The following COL4A6 variants were observed in gnomAD, a reference collection of about 807,000 sequenced individuals.
The protein encoded by COL4A6 is collagen type IV alpha 6 chain.
Under a neutral mutation model 126.7 loss-of-function variants are expected in COL4A6, and 59 were observed. The observed-to-expected ratio is 0.47, with a 90% CI of 0.38 to 0.58. COL4A6 has a LOEUF of 0.58. Ranked by LOEUF, COL4A6 falls within the 20% of genes least tolerant of loss-of-function variation. COL4A6 has a pLI of 0.00. For synonymous variants in COL4A6, 547 were observed against 496.6 expected, an observed-to-expected ratio of 1.10 and a Z score of -1.35; for missense variants, 1,285 against 1,337.3, an observed-to-expected ratio of 0.96 and a Z score of 0.61.
At position 108,191,393 on chromosome X, in the gene COL4A6, T is replaced by G; in HGVS notation, c.1321A>C (p.Ser441Arg). Reference protein sequence around the residue: ...PGPPGPPGPPSPEFETETLHN... With the variant: ...PGPPGPPGPPRPEFETETLHN... The stretch of plus-strand genomic sequence containing the variant: ...CCAAAAAGAGAAATGAGTAACTTAC[T>G]AGGTGGGCCTGGTGGACCTGGTGGG... Residue 441 changes from serine to arginine, a missense_variant and splice_region_variant, in exon 19 of 45, where the codon AGT becomes CGT. Transcript: ENST00000334504. The G allele has an allele frequency of 8.3e-7, 1 of 1,209,113 alleles. No individual in the cohort carries two copies. Among genetic ancestry groups the G allele is most frequent in the African/African-American group, 1.7e-5 (1 of 57,627 alleles).
rs188965228 is a variant in COL4A6 at position 108,289,992 on chromosome X, C to T, written c.144+20756G>A. 4.9e-3 allele frequency among the ~76,000 whole-genome samples: 545 copies of T among 111,743 alleles called. 3 individuals are homozygous for T. The highest frequency in any genetic ancestry group is 0.016 in the African/African-American group (495 of 30,782). ...TTACTAATCAGTGTCCCCCTCTCAC[C>T]CTCTCCCAGAGCCAGTGGTTAAACA... On this transcript the variant is annotated intron_variant, in intron 3 of 44. Coordinates refer to ENST00000334504, the MANE Select transcript of COL4A6 (RefSeq NM_033641.4).
Position 108,156,773 on chromosome X carries a change from G to C in COL4A6, c.*227C>G. The C allele has an allele frequency of 2.4e-6, 1 of 425,022 alleles. No homozygotes were observed. The highest frequency in any genetic ancestry group is 4.2e-5 in the Admixed American group (1 of 23,888). 35.0% of individuals were successfully genotyped at this position (425,022 alleles called of 1,213,427 possible). A position where few individuals can be genotyped will look rare whatever the true frequency, so the allele number is the denominator to read the frequency against. ...ACACAATCATCCAAATCAAACAGTA[G>C]CACCAGCTTGACAGAAACAGGACAG... On this transcript the variant is annotated 3_prime_UTR_variant, in exon 45 of 45. Transcript: ENST00000334504.
chrX:108,323,613 T>C (rs1360712383), intron 2 of COL4A6, among the ~76,000 whole-genome samples: 1 of 112,132 alleles, frequency 8.9e-6, no homozygotes, highest in Non-Finnish European at 1.9e-5. Flanking sequence ...TTTCCTGGAA[T>C]ACCTTTCATG....
At chrX:108,159,813 G>A (rs765284322) in intron 43 of COL4A6, 65 bp from the exon 44 acceptor site, 1 of 1,156,598 alleles carries the variant, frequency 8.6e-7, no homozygotes, top group South Asian at 1.8e-5. Flanking sequence ...CGAGATGGTG[G>A]TTTGGGTTTA....
chrX:108,398,763 A>G (rs2041022907), intron 2 of COL4A6, among the ~76,000 whole-genome samples: 1 of 111,542 alleles, frequency 9.0e-6, no homozygotes, highest in Non-Finnish European at 1.9e-5. Context: ...CCCAGAAAAA[A>G]GAGGTAGGGT....
chrX:108,173,436 G>T (rs1390498049), intron 31 of COL4A6, among the ~76,000 whole-genome samples: 1 of 108,986 alleles, frequency 9.2e-6, no homozygotes, highest in Non-Finnish European at 1.9e-5. Context: ...ATCCAGTCTA[G>T]AACTATTTAT....
rs184108118 is a variant in COL4A6 at position 108,293,142 on chromosome X, G to A, written c.144+17606C>T. 6.3e-3 allele frequency among the ~76,000 whole-genome samples: 690 copies of A among 110,174 alleles called. 3 individuals carry two copies. Among genetic ancestry groups the A allele is most frequent in the Admixed American group, 0.014 (146 of 10,261 alleles). Reference sequence around the variant, plus strand: ...TGCCAGCAGTACTTTAGTGTTTTGGGAGGTATTATTACAGTATAATGGTTG... The same window carrying A: ...TGCCAGCAGTACTTTAGTGTTTTGGAAGGTATTATTACAGTATAATGGTTG... On this transcript the variant is annotated intron_variant, in intron 3 of 44. Transcript: ENST00000334504.
intron 2 of COL4A6, among the ~76,000 whole-genome samples, chrX:108,324,090 T>C (rs915032671): frequency 5.3e-5 from 6 of 112,340 alleles, no homozygotes; most frequent in Non-Finnish European, 9.4e-5. Context: ...CTTTAACGTT[T>C]CTAGTTGGGA....
At chrX:108,400,652 G>GT (rs1467620020) in intron 2 of COL4A6, among the ~76,000 whole-genome samples, 1 of 111,048 alleles carries the variant, frequency 9.0e-6, no homozygotes, top group Non-Finnish European at 1.9e-5. Flanking sequence ...CTTATCTTCT[G>GT]TTTTTTGAAA....
intron 12 of COL4A6, 56 bp from the exon 13 acceptor site, chrX:108,203,037 A>G: frequency 2.0e-6 from 2 of 996,736 alleles, no homozygotes; most frequent in Non-Finnish European, 2.9e-6. Context: ...AACGCACAGT[A>G]GGATGGCTCT....
chrX:108,293,743 T>C (rs1260062428), intron 3 of COL4A6, among the ~76,000 whole-genome samples: 2 of 111,489 alleles, frequency 1.8e-5, no homozygotes, highest in African/African-American at 6.5e-5. Flanking sequence ...TGGGAATCAT[T>C]GTAGATTCTT....
chrX:108,402,169 A>T (rs930529486), intron 2 of COL4A6, among the ~76,000 whole-genome samples: 7 of 111,179 alleles, frequency 6.3e-5, no homozygotes, highest in Non-Finnish European at 1.3e-4. Flanking sequence ...TTCTCTGGAA[A>T]ATCTGTATAA....
chrX:108,237,648 G>A (rs2036460784), intron 3 of COL4A6, among the ~76,000 whole-genome samples: 1 of 111,791 alleles, frequency 8.9e-6, no homozygotes, highest in African/African-American at 3.3e-5. Context: ...CAGCTATAAA[G>A]AGCCAAGTTA....
chrX:108,272,871 A>G (rs974195705), intron 3 of COL4A6, among the ~76,000 whole-genome samples: 1 of 110,667 alleles, frequency 9.0e-6, no homozygotes, highest in Admixed American at 9.6e-5. Flanking sequence ...TAAAATATCT[A>G]TGAGTAGTGA....
At position 108,333,693 on chromosome X, in the gene COL4A6, C is replaced by A. The variant is rs2039364073; in HGVS notation, c.64-22865G>T. 3.6e-5 allele frequency among the ~76,000 whole-genome samples: 4 copies of A among 111,668 alleles called. No individual in the cohort carries two copies. The South Asian group carries it at 1.1e-3, about 31-fold the overall frequency. On this transcript the variant is annotated intron_variant, in intron 2 of 44. Coordinates refer to ENST00000334504, the MANE Select transcript of COL4A6 (RefSeq NM_033641.4). Reference sequence around the variant, plus strand: ...AAAGACTCTTAGATTTGATAAATGACTTCAATAAATTTGCAAAATATAAAA... The same window carrying A: ...AAAGACTCTTAGATTTGATAAATGAATTCAATAAATTTGCAAAATATAAAA...
intron 2 of COL4A6, among the ~76,000 whole-genome samples, chrX:108,425,347 T>C (rs1230705926): frequency 9.0e-6 from 1 of 110,791 alleles, no homozygotes; most frequent in African/African-American, 3.3e-5. Flanking sequence ...GATAGCAAGA[T>C]AAAAAAGCCC....
chrX:108,425,735 C>A (rs1379068046), intron 2 of COL4A6, among the ~76,000 whole-genome samples: 3 of 95,467 alleles, frequency 3.1e-5, no homozygotes, highest in Non-Finnish European at 6.7e-5. Context: ...CACACACAAA[C>A]ACACACACAC....
intron 8 of COL4A6, among the ~76,000 whole-genome samples, chrX:108,208,196 C>A (rs927746747): frequency 1.1e-4 from 12 of 111,703 alleles, no homozygotes; most frequent in African/African-American, 3.9e-4. Flanking sequence ...ACTAACAGAA[C>A]TTCAAGTAGA....
intron 2 of COL4A6, among the ~76,000 whole-genome samples, chrX:108,421,590 T>C (rs1236567880): frequency 2.7e-5 from 3 of 112,390 alleles, no homozygotes; most frequent in Non-Finnish European, 5.6e-5. Flanking sequence ...CAGAAAAGTA[T>C]ATGCACTAGC....
Sources: gnomAD v4.1 joint callset for allele counts (sites outside exome capture counted in the v4.1 genomes callset) on GRCh38, gnomAD v4.1.1 for gene constraint, MANE v1.5 for transcripts, NCBI Gene and HGNC (gene_info 2026-07-23, HGNC 2026-07-21) for gene names.